ARMH3: variants seen among roughly 807,000 people sequenced by gnomAD.
ARMH3 encodes armadillo-like helical domain-containing protein 3.
A neutral mutation model predicts 99.1 loss-of-function variants in ARMH3; 60 were observed. The observed-to-expected ratio is 0.61, with a 90% CI of 0.49 to 0.75. ARMH3 has a LOEUF of 0.75. Among genes scored for constraint, ARMH3 ranks in the 30% least tolerant of loss-of-function variants. ARMH3 has a pLI of 0.00. For missense variants in ARMH3, 679 were observed against 843.1 expected (o/e 0.81, Z 2.41); for synonymous variants, 285 against 292.8 (o/e 0.97, Z 0.27).
intron 19 of ARMH3, among the ~76,000 whole-genome samples, chr10:101,977,324 T>C (rs1230677572): frequency 2.0e-5 from 3 of 152,148 alleles, no homozygotes; most frequent in Non-Finnish European, 4.4e-5. Context: ...AAACATTTTT[T>C]TCATCTCTGA....
chr10:101,918,333 C>T lies in ARMH3; in HGVS notation c.1781+21530G>A, dbSNP rs563843609. On this transcript the variant is annotated intron_variant, in intron 23 of 25. Transcript: ENST00000370033. ...CCTCCCAAAGTGCTGGGATTACAGGCGTAAGCCACTGCGCCTGGCCATCCA... is the reference window on the plus strand; with the variant it reads ...CCTCCCAAAGTGCTGGGATTACAGGTGTAAGCCACTGCGCCTGGCCATCCA... 1.2e-3 allele frequency among the ~76,000 whole-genome samples: 178 copies of T among 152,258 alleles called. 1 individual carries two copies. The highest frequency in any genetic ancestry group is 6.8e-3 in the Middle Eastern group (2 of 294).
intron 2 of ARMH3, 172 bp from the exon 3 acceptor site, chr10:102,033,511 A>G (rs2067182801): frequency 4.5e-6 from 3 of 672,336 alleles, no homozygotes. Flanking sequence ...TCCGCCCCCC[A>G]GGGTTCACGC....
chr10:102,053,601 C>A (rs934815261), intron 1 of ARMH3, among the ~76,000 whole-genome samples: 2 of 152,106 alleles, frequency 1.3e-5, no homozygotes, highest in South Asian at 2.1e-4. Flanking sequence ...GTATCTCCCC[C>A]CTGCAAAGAT....
chr10:102,023,719 G>C lies in ARMH3; in HGVS notation c.538C>G (p.Leu180Val). The C allele has an allele frequency of 6.2e-7, 1 of 1,614,144 alleles. No individual in the cohort carries two copies. The highest frequency in any genetic ancestry group is 8.5e-7 in the Non-Finnish European group (1 of 1,180,010). Residue 180 changes from leucine (L) to valine (V), a missense_variant, in exon 7 of 26, where the codon CTC (leucine) becomes GTC (valine). Around this residue, in one of 3 missense-constraint regions of ARMH3, gnomAD observed 280 missense variants for 354.6 expected, o/e 0.79. Coordinates refer to ENST00000370033, the MANE Select transcript of ARMH3 (RefSeq NM_024541.3). ...ATGCTGTTGATCATTACATACTCGA[G>C]AATAGTGTTCTGGCTGATGTTATCT... ...VTDNISQNTILEYVMINSIFE... is the reference protein window; with the variant it reads ...VTDNISQNTIVEYVMINSIFE...
At chr10:101,876,465 A>G (rs2067269851) in intron 24 of ARMH3, among the ~76,000 whole-genome samples, 1 of 152,076 alleles carries the variant, frequency 6.6e-6, no homozygotes, top group Non-Finnish European at 1.5e-5. Context: ...GCCAGACCTC[A>G]TTTATCTATC....
intron 20 of ARMH3, among the ~76,000 whole-genome samples, chr10:101,965,313 T>C (rs1287598186): frequency 6.6e-6 from 1 of 152,186 alleles, no homozygotes; most frequent in East Asian, 1.9e-4. Context: ...CACGTCAAAG[T>C]ACACCATACT....
Position 101,849,868 on chromosome 10 carries a change from A to T in ARMH3, c.1885T>A (p.Tyr629Asn), listed in dbSNP as rs775659142. The T allele has an allele frequency of 6.2e-7, 1 of 1,614,068 alleles. No homozygotes were observed. Among genetic ancestry groups the T allele is most frequent in the Non-Finnish European group, 8.5e-7 (1 of 1,179,988 alleles). ...TGCAGCTTCAGCGTGAGCGTGTCAT[A>T]GTTGGCTCTCACCACCTCCAGCACC... ...EQVLEVVRAN[Y>N]DTLTLKLQDG... is the part of the protein sequence containing the mutation. The change falls in exon 25 of 26, where the codon TAT becomes AAT. Residue 629 changes from tyrosine (Y) to asparagine (N), a missense_variant. Coordinates refer to ENST00000370033, the MANE Select transcript of ARMH3 (RefSeq NM_024541.3).
intron 23 of ARMH3, among the ~76,000 whole-genome samples, chr10:101,935,616 T>A (rs1843931828): frequency 6.6e-6 from 1 of 152,172 alleles, no homozygotes; most frequent in African/African-American, 2.4e-5. Context: ...AATTTGGAGC[T>A]ATTGTCAACT....
At chr10:101,857,222 C>T (rs2066755834) in intron 24 of ARMH3, among the ~76,000 whole-genome samples, 1 of 152,116 alleles carries the variant, frequency 6.6e-6, no homozygotes, top group Non-Finnish European at 1.5e-5. Flanking sequence ...CTTTGGAAGG[C>T]CGAGGTGGGC....
chr10:101,975,165 C>G (rs774306744), intron 20 of ARMH3, 47 bp downstream of exon 20: 66 of 1,532,232 alleles, frequency 4.3e-5, no homozygotes, highest in Non-Finnish European at 5.6e-5. Context: ...CCTAGGGGCT[C>G]AAAAAAGGTA....
chr10:101,874,470 C>T (rs543809181), intron 24 of ARMH3, among the ~76,000 whole-genome samples: 1 of 152,184 alleles, frequency 6.6e-6, no homozygotes, highest in South Asian at 2.1e-4. Context: ...TGTGCTCTTC[C>T]CCACCACCCC....
chr10:101,858,874 CAACA>C (rs760362891), intron 24 of ARMH3, among the ~76,000 whole-genome samples: 4 of 152,144 alleles, frequency 2.6e-5, no homozygotes, highest in African/African-American at 4.8e-5. Flanking sequence ...TCCTAAGAAA[CAACA>C]AACAGTCAAC....
At chr10:101,882,142 T>C (rs555488903) in intron 24 of ARMH3, among the ~76,000 whole-genome samples, 2 of 152,248 alleles carry the variant, frequency 1.3e-5, no homozygotes, top group East Asian at 1.9e-4. Flanking sequence ...TGAATGAAGG[T>C]TGAAGAATGC....
rs1423048430 is a variant in ARMH3, at chr10:101,972,562, C to T, written c.1495+2650G>A. Among the ~76,000 whole-genome samples the T allele has an allele frequency of 3.9e-5, 6 of 152,294 alleles. No homozygotes were observed. The East Asian group carries it at 1.2e-3, about 29-fold the overall frequency. On this transcript the variant is annotated intron_variant, in intron 20 of 25. Coordinates refer to ENST00000370033, the MANE Select transcript of ARMH3 (RefSeq NM_024541.3). ...GCAATCCAACATACGAGGGGTAGTG[C>T]CTGCTAAGAGGTAGGTGGATCTGCC...
chr10:101,964,024 C>A (rs1845428389), intron 20 of ARMH3, among the ~76,000 whole-genome samples: 1 of 151,894 alleles, frequency 6.6e-6, no homozygotes, highest in Non-Finnish European at 1.5e-5. Context: ...CTACAGGCGC[C>A]CGCCACCACG....
chr10:102,003,013 A>C (rs1299033921), intron 14 of ARMH3, among the ~76,000 whole-genome samples: 3 of 151,868 alleles, frequency 2.0e-5, no homozygotes, highest in African/African-American at 7.3e-5. Context: ...AAACAGATGA[A>C]CATTACTGAT....
At chr10:102,006,670 A>C (rs2066496602) in intron 13 of ARMH3, 37 bp from the exon 14 acceptor site, 5 of 1,583,050 alleles carry the variant, frequency 3.2e-6, no homozygotes, top group Non-Finnish European at 4.3e-6. Context: ...AAAACAGAAA[A>C]TCCAGTTCTC....
chr10:102,035,380 C>T (rs936118141), intron 2 of ARMH3, among the ~76,000 whole-genome samples: 1 of 151,996 alleles, frequency 6.6e-6, no homozygotes, highest in Non-Finnish European at 1.5e-5. Context: ...AGAAAACAAG[C>T]TCTCCCTTCT....
At chr10:101,954,497 A>C (rs1844939902) in intron 22 of ARMH3, among the ~76,000 whole-genome samples, 1 of 152,226 alleles carries the variant, frequency 6.6e-6, no homozygotes, top group South Asian at 2.1e-4. Flanking sequence ...GAGAACAGAA[A>C]ACAGATCAGT....
Sources: gnomAD v4.1 joint callset for allele counts (sites outside exome capture counted in the v4.1 genomes callset) on GRCh38, gnomAD v4.1.1 for gene constraint, gnomAD v4.1.1 regional missense constraint, MANE v1.5 for transcripts, NCBI Gene and HGNC (gene_info 2026-07-23, HGNC 2026-07-21) for gene names.